Variants in DNAH8 observed in about 807,000 individuals in gnomAD.
DNAH8 encodes the protein dynein axonemal heavy chain 8, also known as axonemal beta dynein heavy chain 8.
A neutral mutation model predicts 562.1 loss-of-function variants in DNAH8; 382 were observed. That is an observed-to-expected ratio of 0.68 (90% CI 0.63 to 0.74). The LOEUF is 0.74. Among genes scored for constraint, DNAH8 ranks in the 30% least tolerant of loss-of-function variants. DNAH8 has a pLI of 0.00. For missense variants in DNAH8, 5,203 were observed against 5,620.4 expected, an observed-to-expected ratio of 0.93 and a Z score of 2.37; for synonymous variants, 1,881 against 1,919.4, an observed-to-expected ratio of 0.98 and a Z score of 0.52.
At chr6:39,006,694 C>G (rs1156566233) in intron 88 of DNAH8, among the ~76,000 whole-genome samples, 3 of 152,208 alleles carry the variant, frequency 2.0e-5, no homozygotes, top group Admixed American at 2.0e-4. Context: ...TTGGCTTGAG[C>G]TTTTCCAAAT....
rs762067933 is a variant in DNAH8, at chr6:38,875,642, T to C, written c.7672T>C (p.Ser2558Pro). Residue 2558 changes from serine to proline, a missense_variant, in exon 53 of 93, where the codon TCC becomes CCC. Physicochemically the swap from Ser to Pro is moderately conservative, Grantham distance 74. Around this residue, in one of 6 missense-constraint regions of DNAH8, gnomAD observed 977 missense variants for 1,061.8 expected, o/e 0.92. Transcript: ENST00000327475. The part of the protein sequence containing the change: ...LIPSKEEGGV[S>P]CVEHLHKLFV... Reference sequence around the variant, plus strand: ...TCCCTCCAAAGAAGAAGGCGGTGTTTCCTGTGTCGAACATCTTCATAAATT... The same window carrying C: ...TCCCTCCAAAGAAGAAGGCGGTGTTCCCTGTGTCGAACATCTTCATAAATT... 50 of 1,613,562 alleles carry C rather than the reference T, an allele frequency of 3.1e-5. No homozygotes were observed. The highest frequency in any genetic ancestry group is 4.2e-5 in the Non-Finnish European group (50 of 1,179,686).
At chr6:38,879,020 A>G (rs1238722904) in intron 53 of DNAH8, among the ~76,000 whole-genome samples, 1 of 152,178 alleles carries the variant, frequency 6.6e-6, no homozygotes, top group Admixed American at 6.5e-5. Context: ...GTCAATTTAC[A>G]ATAAAATTTA....
At chr6:38,772,996 T>TTTTTTTTTTTTTTTTTTTTGTTG (rs1554205957) in intron 12 of DNAH8, among the ~76,000 whole-genome samples, 2 of 109,942 alleles carry the variant, frequency 1.8e-5, no homozygotes, top group African/African-American at 7.1e-5. Flanking sequence ...TTTTTTTTTT[T>TTTTTTTTTTTTTTTTTTTTGTTG]TTGTAGAGAT....
chr6:38,994,986 A>G (rs1765042361), intron 88 of DNAH8, among the ~76,000 whole-genome samples: 1 of 150,036 alleles, frequency 6.7e-6, no homozygotes, highest in African/African-American at 2.5e-5. Flanking sequence ...TCTATTTTGT[A>G]GCAGTCTGTT....
At chr6:38,894,292 T>A (rs1217519308) in intron 58 of DNAH8, among the ~76,000 whole-genome samples, 1 of 152,246 alleles carries the variant, frequency 6.6e-6, no homozygotes, top group Non-Finnish European at 1.5e-5. Flanking sequence ...CATTCGTTGT[T>A]CTTACCTGCA....
At chr6:38,738,375 A>G (rs1764266208) in intron 7 of DNAH8, among the ~76,000 whole-genome samples, 1 of 152,216 alleles carries the variant, frequency 6.6e-6, no homozygotes, top group South Asian at 2.1e-4. Flanking sequence ...CTGTGCTGTC[A>G]AAGAAGTTCA....
rs1777743596 is a variant in DNAH8 at position 38,874,088 on chromosome 6, C to CTT, written c.7620+714_7620+715dup. 1.9e-5 allele frequency among the ~76,000 whole-genome samples: 2 copies of CTT among 105,870 alleles called. 1 individual carries two copies. The highest frequency in any genetic ancestry group is 7.4e-4 in the East Asian group (2 of 2,704). 69.5% of individuals were successfully genotyped at this position (105,870 alleles called of 152,430 possible). ...TTTCTTTTTCTTTCTTTCTTTCTTTCTTTCTTTCTCTTTCTCCTTCCTTCC... is the reference window on the plus strand; with the variant it reads ...TTTCTTTTTCTTTCTTTCTTTCTTTCTTTTTCTTTCTCTTTCTCCTTCCTTCC... On this transcript the variant is annotated intron_variant, in intron 52 of 92. Coordinates refer to ENST00000327475, the MANE Select transcript of DNAH8 (RefSeq NM_001206927.2).
chr6:38,936,364 C>T (rs971331996), intron 77 of DNAH8: 1 of 151,968 alleles, frequency 6.6e-6, no homozygotes, highest in Admixed American at 6.6e-5. Context: ...AATCATCATG[C>T]CACACCTCAA....
intron 17 of DNAH8, among the ~76,000 whole-genome samples, chr6:38,785,473 A>G (rs554343210): frequency 1.5e-3 from 221 of 152,320 alleles, no homozygotes; most frequent in South Asian, 2.3e-3. Flanking sequence ...TTAAATGTTC[A>G]AAAGTTCTTT....
chr6:38,829,497 A>G (rs1399199879), intron 30 of DNAH8, among the ~76,000 whole-genome samples: 1 of 152,164 alleles, frequency 6.6e-6, no homozygotes, highest in Non-Finnish European at 1.5e-5. Flanking sequence ...ATACATTTTG[A>G]GTTAATTTGT....
intron 41 of DNAH8, among the ~76,000 whole-genome samples, chr6:38,854,036 G>T (rs1173207438): frequency 6.6e-6 from 1 of 151,976 alleles, no homozygotes; most frequent in Non-Finnish European, 1.5e-5. Flanking sequence ...GTGTGTGTGT[G>T]TGTATATATA....
chr6:38,824,772 G>A (rs1053811731), intron 28 of DNAH8, among the ~76,000 whole-genome samples: 6 of 151,918 alleles, frequency 3.9e-5, no homozygotes, highest in Admixed American at 1.3e-4. Context: ...AGTACCTGGC[G>A]TATGATTGAT....
intron 48 of DNAH8, 32 bp from the exon 49 acceptor site, chr6:38,870,369 G>A: frequency 2.5e-6 from 4 of 1,600,486 alleles, no homozygotes; most frequent in Non-Finnish European, 3.4e-6. Flanking sequence ...TTGACTGAAT[G>A]AGTAAATTTA....
chr6:38,936,530 T>C (rs1334541039), intron 77 of DNAH8: 1 of 152,160 alleles, frequency 6.6e-6, no homozygotes, highest in African/African-American at 2.4e-5. Context: ...TGCACCTTAA[T>C]CCCGGGATGT....
In DNAH8 at chr6:38,775,750, T is replaced by A. The variant is rs548820423; in HGVS notation, c.1765-4T>A. Reference sequence around the variant, plus strand: ...AAAAGCAAAATAACATTTCTCTTTTTAAGATTACAGAAATGATAACTGTTG... The same window carrying A: ...AAAAGCAAAATAACATTTCTCTTTTAAAGATTACAGAAATGATAACTGTTG... On this transcript the variant is annotated splice_region_variant and splice_polypyrimidine_tract_variant and intron_variant, in intron 12 of 92. Transcript: ENST00000327475. 6.4e-7 allele frequency: 1 copy of A among 1,559,756 alleles called. No homozygotes were observed. The highest frequency in any genetic ancestry group is 1.2e-5 in the South Asian group (1 of 86,882).
Position 38,828,189 on chromosome 6 carries a change from C to A in DNAH8, c.4089C>A (p.Ala1363=). 1.3e-6 allele frequency: 2 copies of A among 1,584,952 alleles called. No homozygotes were observed. The highest frequency in any genetic ancestry group is 1.7e-6 in the Non-Finnish European group (2 of 1,166,306). ...ACTCCACCTTCATCCTGCAGGAAGC[C>A]TATGCTATTTTAAACAGATTTGAAG... ...MDMTLGPIEE[A]YAILNRFEVE... is the part of the protein sequence containing the mutation. The change falls in exon 30 of 93, where the codon GCC becomes GCA. Residue 1363 remains alanine, a synonymous_variant. Transcript: ENST00000327475.
In DNAH8 at chr6:38,832,242, C is replaced by T. The variant is rs944840569; in HGVS notation, c.4189-80C>T. 9 of 815,970 alleles carry T rather than the reference C, an allele frequency of 1.1e-5. No individual in the cohort carries two copies. In the African/African-American group the frequency reaches 1.4e-4, roughly 13 times the overall value. 50.5% of individuals were successfully genotyped at this position (815,970 alleles called of 1,614,324 possible). On this transcript the variant is annotated intron_variant, in intron 30 of 92. Coordinates refer to ENST00000327475, the MANE Select transcript of DNAH8 (RefSeq NM_001206927.2). ...GTTCATATAGGATATCTGTGAGATA[C>T]ACTTGTTGGAATAGAATTGTAATTT... is the stretch of plus-strand genomic sequence containing the variant.
intron 79 of DNAH8, among the ~76,000 whole-genome samples, chr6:38,945,180 TAAAAA>T (rs1761285055): frequency 6.6e-6 from 1 of 152,138 alleles, no homozygotes; most frequent in Non-Finnish European, 1.5e-5. Context: ...TTTAGGTTGT[TAAAAA>T]ATAAAAAGCA....
At chr6:38,772,778 G>T (rs1767694391) in intron 12 of DNAH8, among the ~76,000 whole-genome samples, 1 of 151,762 alleles carries the variant, frequency 6.6e-6, no homozygotes, top group African/African-American at 2.4e-5. Context: ...AGTGTTGTGT[G>T]GGGCTGTTTT....
Sources: gnomAD v4.1 joint callset for allele counts (sites outside exome capture counted in the v4.1 genomes callset) on GRCh38, gnomAD v4.1.1 for gene constraint, gnomAD v4.1.1 regional missense constraint, MANE v1.5 for transcripts, NCBI Gene and HGNC (gene_info 2026-07-23, HGNC 2026-07-21) for gene names.